ARID3C: variants seen among roughly 807,000 people sequenced by gnomAD.
ARID3C encodes AT-rich interaction domain 3C, also known as AT-rich interactive domain-containing protein 3C.
Under a neutral mutation model 37.9 loss-of-function variants are expected in ARID3C, and 42 were observed. The ratio of observed to expected loss-of-function variants is 1.11; its 90% confidence interval spans 0.87 to 1.43. The LOEUF (loss-of-function observed/expected upper bound fraction) is 1.43. ARID3C is among the 40% of genes most tolerant of loss of function. The pLI, the probability that ARID3C is intolerant of heterozygous loss-of-function variation, is 0.00. For missense variants in ARID3C, 581 were observed against 548.8 expected, an observed-to-expected ratio of 1.06 and a Z score of -0.59; for synonymous variants, 213 against 228.0, an observed-to-expected ratio of 0.93 and a Z score of 0.59.
upstream of ARID3C, among the ~76,000 whole-genome samples, chr9:34,632,732 G>A (rs985328072): frequency 6.6e-6 from 1 of 152,180 alleles, no homozygotes; most frequent in African/African-American, 2.4e-5. Context: ...TGGGCAGCTG[G>A]GTAAATGGAG....
chr9:34,622,581 T>A (rs751466662), intron 4 of ARID3C, 52 bp from the exon 6 acceptor site: 4 of 1,522,808 alleles, frequency 2.6e-6, no homozygotes, highest in Non-Finnish European at 3.5e-6. Flanking sequence ...CATCTCTGCA[T>A]TGGTTCTCCC....
At chr9:34,623,161 A>G (rs1260207211) in intron 4 of ARID3C, among the ~76,000 whole-genome samples, 2 of 150,968 alleles carry the variant, frequency 1.3e-5, no homozygotes, top group Non-Finnish European at 3.0e-5. Context: ...AAAAAAAAAA[A>G]AAGAAAAAAA....
intron 4 of ARID3C, among the ~76,000 whole-genome samples, chr9:34,622,776 C>A (rs10814128): frequency 0.21 from 31,196 of 152,082 alleles, 3,493 homozygotes; most frequent in Non-Finnish European, 0.25. Context: ...ATTAAATAAT[C>A]CAGGTCACAA....
upstream of ARID3C, chr9:34,628,142 A>C: frequency 7.9e-7 from 1 of 1,259,696 alleles, no homozygotes; most frequent in Non-Finnish European, 1.1e-6. This position sits in a 1 kb window ranked among gnomAD's most constrained non-coding sequence, Gnocchi z 5.2. Context: ...GCCCCCCAAC[A>C]CAGGGGGAGG....
upstream of ARID3C, chr9:34,628,179 G>T: frequency 1.1e-6 from 1 of 944,286 alleles, no homozygotes; most frequent in Non-Finnish European, 1.5e-6. This position sits in a 1 kb window ranked among gnomAD's most constrained non-coding sequence, Gnocchi z 5.2. Flanking sequence ...GAAGTGCAGG[G>T]GTCACAAGGA....
chr9:34,627,666 G>C (rs1242613342), intron 1 of ARID3C, 31 bp downstream of exon 2: 1 of 1,549,362 alleles, frequency 6.5e-7, no homozygotes, highest in South Asian at 1.2e-5. Flanking sequence ...AGATAGGGAA[G>C]AGGGCCGGAC....
At chr9:34,627,954 G>C in exon 1 of ARID3C, 1 of 1,547,854 alleles carries the variant, frequency 6.5e-7, no homozygotes. Context: ...GGGCATGCAG[G>C]GGCCAATGGC....
At chr9:34,623,624 G>C in exon 4 of ARID3C, 6 of 1,605,494 alleles carry the variant, frequency 3.7e-6, no homozygotes, top group Non-Finnish European at 4.2e-6. Flanking sequence ...GACGGCCCTC[G>C]CGCCGATTGC....
intron 5 of ARID3C, 87 bp downstream of exon 6, chr9:34,622,260 G>T: frequency 6.4e-7 from 1 of 1,567,592 alleles, no homozygotes; most frequent in Non-Finnish European, 8.7e-7. Context: ...GAATCTGTCT[G>T]CCCCGTCTCT....
rs541211276 is a variant in ARID3C at position 34,627,905 on chromosome 9, G to T, written c.110C>A (p.Thr37Asn). The change falls in exon 1 of 7, where the codon ACC becomes AAC. Residue 37 changes from threonine (T) to asparagine (N), a missense_variant. Physicochemically the swap from Thr to Asn is moderately conservative, Grantham distance 65. Coordinates refer to ENST00000378909, the Ensembl canonical transcript of ARID3C. ...CAAGGCCCCCTCAGGGGCCTGTAGG[G>T]TCCGGTGGTCAGGCAGGGGAGGCTG... 44 of 1,560,476 alleles carry T rather than the reference G, an allele frequency of 2.8e-5. No individual in the cohort carries two copies. The highest frequency in any genetic ancestry group is 3.8e-5 in the Non-Finnish European group (44 of 1,151,820).
At chr9:34,626,259 G>A (rs1261103110) in intron 1 of ARID3C, among the ~76,000 whole-genome samples, 1 of 152,180 alleles carries the variant, frequency 6.6e-6, no homozygotes, top group Non-Finnish European at 1.5e-5. Flanking sequence ...ATCCCTGTAT[G>A]CCAGGGCTGG....
At chr9:34,627,062 C>G (rs762438148) in intron 1 of ARID3C, among the ~76,000 whole-genome samples, 5 of 152,088 alleles carry the variant, frequency 3.3e-5, no homozygotes, top group Non-Finnish European at 7.4e-5. Context: ...GCGGAGGAGC[C>G]CTTTAGTCAT....
At chr9:34,629,052 C>T (rs951370647), upstream of ARID3C, among the ~76,000 whole-genome samples, 2 of 152,010 alleles carry the variant, frequency 1.3e-5, no homozygotes, top group Non-Finnish European at 2.9e-5. Flanking sequence ...CGGCTGTGCG[C>T]TCACTCGCCG....
upstream of ARID3C, among the ~76,000 whole-genome samples, chr9:34,629,720 T>C (rs1820705950): frequency 6.6e-6 from 1 of 152,248 alleles, no homozygotes; most frequent in South Asian, 2.1e-4. Flanking sequence ...TGACATTCTA[T>C]TATGGAAATT....
exon 3 of ARID3C, chr9:34,624,032 C>T: frequency 6.3e-7 from 1 of 1,593,400 alleles, no homozygotes; most frequent in Non-Finnish European, 8.5e-7. Context: ...GATGGGCACG[C>T]GGTTCACTGG....
chr9:34,628,524 T>G (rs887636131), upstream of ARID3C, among the ~76,000 whole-genome samples: 10 of 149,156 alleles, frequency 6.7e-5, no homozygotes, highest in Middle Eastern at 3.5e-3. The surrounding 1 kb of genome is among the most constrained non-coding windows in gnomAD (Gnocchi z 5.2). Flanking sequence ...TGGAGAGAGA[T>G]AGAATATTGG....
upstream of ARID3C, among the ~76,000 whole-genome samples, chr9:34,629,026 C>T (rs1278934578): frequency 1.3e-5 from 2 of 151,990 alleles, no homozygotes; most frequent in Non-Finnish European, 2.9e-5. Flanking sequence ...GCTCCCGCCG[C>T]CCTGTGCTCC....
At chr9:34,632,247 G>A (rs1292891632), upstream of ARID3C, among the ~76,000 whole-genome samples, 1 of 152,216 alleles carries the variant, frequency 6.6e-6, no homozygotes, top group East Asian at 1.9e-4. Flanking sequence ...CTATGACTAC[G>A]TGGATACCTA....
intron 3 of ARID3C, 25 bp from the exon 5 acceptor site, chr9:34,623,739 GTGTATGGGAGGCTGCACCCAGC>G: frequency 6.6e-7 from 1 of 1,513,542 alleles, no homozygotes; most frequent in South Asian, 1.3e-5. Context: ...CGGGCGGTGA[GTGTATGGGAGGCTGCACCCAGC>G]TGGTCAAGTC....
Sources: gnomAD v4.1 joint callset for allele counts (sites outside exome capture counted in the v4.1 genomes callset) on GRCh38, gnomAD v4.1.1 for gene constraint, Gnocchi (gnomAD v3.1) non-coding constraint, MANE v1.5 for transcripts, NCBI Gene and HGNC (gene_info 2026-07-23, HGNC 2026-07-21) for gene names.